CHTOP: variants seen among roughly 807,000 people sequenced by gnomAD.
CHTOP encodes chromatin target of PRMT1 protein.
A neutral mutation model predicts 33.6 loss-of-function variants in CHTOP; 18 were observed. The ratio of observed to expected loss-of-function variants is 0.54; its 90% CI spans 0.37 to 0.80. CHTOP has a LOEUF of 0.80. CHTOP is among the 30% of genes least tolerant of loss of function. CHTOP has a pLI of 0.00. For synonymous variants in CHTOP, 117 were observed against 127.7 expected (o/e 0.92, Z 0.56); for missense variants, 263 against 336.8 (o/e 0.78, Z 1.71).
rs1193240157 is a variant in CHTOP, at chr1:153,646,160, A to G, written c.*891A>G. ...CAATTATATCCTCATGTTTATCCCA[A>G]ACTAATCTTGGACTTTTCCACTCAT... On this transcript the variant is annotated 3_prime_UTR_variant, in exon 6 of 6. Transcript: ENST00000368694. 4 of 152,176 alleles carry G rather than the reference A, an allele frequency of 2.6e-5. No individual in the cohort carries two copies. The highest frequency in any genetic ancestry group is 5.9e-5 in the Non-Finnish European group (4 of 68,026). The allele number at this position is 152,176 out of a possible 1,614,324, so 9.4% of individuals were successfully genotyped here.
At chr1:153,638,274 C>G in intron 2 of CHTOP, 21 bp from the exon 3 acceptor site, 1 of 1,610,194 alleles carries the variant, frequency 6.2e-7, no homozygotes, top group Non-Finnish European at 8.5e-7. Context: ...ATTTAAACAT[C>G]CATTTTGTTC....
Position 153,643,319 on chromosome 1 carries a change from G to C in CHTOP, c.496G>C (p.Gly166Arg). 1 of 1,611,366 alleles carries C rather than the reference G, an allele frequency of 6.2e-7. No individual in the cohort carries two copies. Among genetic ancestry groups the C allele is most frequent in the South Asian group, 1.1e-5 (1 of 90,818 alleles). Reference protein sequence around the residue: ...VRGRGGPGRGGLGRGAMGRGG... With the variant: ...VRGRGGPGRGRLGRGAMGRGG... ...AGGTCGTGGAGGTCCTGGGAGAGGGGGCCTAGGGCGTGGAGCTATGGGTCG... is the reference window on the plus strand; with the variant it reads ...AGGTCGTGGAGGTCCTGGGAGAGGGCGCCTAGGGCGTGGAGCTATGGGTCG... The change falls in exon 5 of 6, where the codon GGC becomes CGC. Residue 166 changes from glycine (G) to arginine (R), a missense_variant. By Grantham distance (125) the Gly-to-Arg change is moderately radical. This residue lies in a region of CHTOP where 168 missense variants were observed against 179.9 expected (regional missense o/e 0.93). Coordinates refer to ENST00000368694, the MANE Select transcript of CHTOP (RefSeq NM_015607.4).
rs759719295 is a variant in CHTOP, at chr1:153,642,388, G to A, written c.362G>A (p.Arg121His). The change falls in exon 4 of 6, where the codon CGT (arginine) becomes CAT (histidine). Residue 121 changes from arginine (R) to histidine (H), a missense_variant. Coordinates refer to ENST00000368694, the MANE Select transcript of CHTOP (RefSeq NM_015607.4). ...CCCAGAGGAGGACTACGTGGGGGAC[G>A]TGCCACCAGAACCCTACTTAGGGGC... ...GLPRGGLRGG[R>H]ATRTLLRGGM... 11 of 1,613,928 alleles carry A rather than the reference G, an allele frequency of 6.8e-6. No homozygotes were observed. The highest frequency in any genetic ancestry group is 2.2e-5 in the East Asian group (1 of 44,892).
At chr1:153,637,870 G>C (rs141031689) in intron 2 of CHTOP, 105 of 175,048 alleles carry the variant, frequency 6.0e-4, no homozygotes, top group Admixed American at 1.4e-3. Flanking sequence ...ATTTATGAGA[G>C]TATGTTCATT....
intron 1 of CHTOP, 113 bp from the exon 2 acceptor site, chr1:153,636,459 C>A: frequency 3.0e-6 from 2 of 670,338 alleles, no homozygotes; most frequent in Non-Finnish European, 2.5e-6. Context: ...CCCTCGTGTG[C>A]TCTTTAGTCA....
At chr1:153,638,557 A>C (rs1668495307) in intron 3 of CHTOP, 109 bp downstream of exon 3, 7 of 1,259,102 alleles carry the variant, frequency 5.6e-6, no homozygotes, top group Non-Finnish European at 8.0e-6. Context: ...CAGGGCAAAA[A>C]GCTGAAACTT....
At position 153,636,653 on chromosome 1, in the gene CHTOP, G is replaced by A; in HGVS notation, c.65G>A (p.Arg22His). 5 of 1,612,582 alleles carry A rather than the reference G, an allele frequency of 3.1e-6. No individual in the cohort carries two copies. Among genetic ancestry groups the A allele is most frequent in the Non-Finnish European group, 4.2e-6 (5 of 1,178,754 alleles). Residue 22 changes from arginine to histidine, a missense_variant and splice_region_variant, in exon 2 of 6, where the codon CGC (arginine) becomes CAC (histidine). Physicochemically the swap from Arg to His is conservative, Grantham distance 29 (BLOSUM62 0). Transcript: ENST00000368694. ...ACCACCAAGATGTCTCTAAATGAGC[G>A]GTGAGGCAGCCAACAGCAACTTCAA... is the stretch of plus-strand genomic sequence containing the variant. Reference protein sequence around the residue: ...KSTTKMSLNERFTNMLKNKQP... With the variant: ...KSTTKMSLNEHFTNMLKNKQP...
chr1:153,644,134 C>G (rs1037411856), intron 5 of CHTOP: 2 of 152,148 alleles, frequency 1.3e-5, no homozygotes, highest in Non-Finnish European at 2.9e-5. Flanking sequence ...TGCTTTGGTT[C>G]TCTTAAAAGG....
chr1:153,643,238 C>G lies in CHTOP; in HGVS notation c.415C>G (p.Leu139Val). ...GGMSLRGQNL[L>V]RGGRAVAPRM... ...GCCTCCTCTCTAAGGTCAAAACCTG[C>G]TCCGAGGTGGACGAGCCGTAGCTCC... Residue 139 changes from leucine (L) to valine (V), a missense_variant, in exon 5 of 6, where the codon CTC (leucine) becomes GTC (valine). By Grantham distance (32) the Leu-to-Val change is conservative. This residue lies in a region of CHTOP where 168 missense variants were observed against 179.9 expected (regional missense o/e 0.93). Coordinates refer to ENST00000368694, the MANE Select transcript of CHTOP (RefSeq NM_015607.4). The G allele has an allele frequency of 6.2e-7, 1 of 1,614,136 alleles. No individual in the cohort carries two copies. Among genetic ancestry groups the G allele is most frequent in the Non-Finnish European group, 8.5e-7 (1 of 1,180,010 alleles).
At chr1:153,642,892 C>T in intron 4 of CHTOP, 1 of 349,380 alleles carries the variant, frequency 2.9e-6, no homozygotes. Flanking sequence ...AGTTCTTGTT[C>T]CCTAGAAGAA....
At chr1:153,640,009 A>G (rs1668562591) in intron 3 of CHTOP, among the ~76,000 whole-genome samples, 1 of 152,042 alleles carries the variant, frequency 6.6e-6, no homozygotes, top group Non-Finnish European at 1.5e-5. Context: ...CCTGACCTCA[A>G]GTGATCTGCC....
At position 153,636,473 on chromosome 1, in the gene CHTOP, G is replaced by A. The variant is rs555949614; in HGVS notation, c.-17-99G>A. The A allele has an allele frequency of 6.7e-5, 58 of 867,346 alleles. No homozygotes were observed. In the African/African-American group the frequency reaches 9.5e-4, roughly 14 times the overall value. The allele number at this position is 867,346 out of a possible 1,614,324, so 53.7% of individuals were successfully genotyped here. On this transcript the variant is annotated intron_variant, in intron 1 of 5. Transcript: ENST00000368694. Reference sequence around the variant, plus strand: ...GCCCTCGTGTGCTCTTTAGTCATCAGTGATAAGGCCTTTTTATTTATTTTT... The same window carrying A: ...GCCCTCGTGTGCTCTTTAGTCATCAATGATAAGGCCTTTTTATTTATTTTT...
Position 153,642,364 on chromosome 1 carries a change from C to G in CHTOP, c.338C>G (p.Pro113Arg). ...RGLPIIQRGLPRGGLRGGRAT... is the reference protein window; with the variant it reads ...RGLPIIQRGLRRGGLRGGRAT... ...CTACCCATAATCCAGAGAGGCTTGC[C>G]CAGAGGAGGACTACGTGGGGGACGT... is the stretch of plus-strand genomic sequence containing the variant. Residue 113 changes from proline (P) to arginine (R), a missense_variant, in exon 4 of 6, where the codon CCC becomes CGC. By Grantham distance (103) the Pro-to-Arg change is moderately radical (BLOSUM62 -2). This residue lies in a region of CHTOP where 168 missense variants were observed against 179.9 expected (regional missense o/e 0.93). Coordinates refer to ENST00000368694, the MANE Select transcript of CHTOP (RefSeq NM_015607.4). The G allele has an allele frequency of 6.2e-7, 1 of 1,614,096 alleles. No homozygotes were observed. Among genetic ancestry groups the G allele is most frequent in the Non-Finnish European group, 8.5e-7 (1 of 1,180,004 alleles).
intron 2 of CHTOP, 66 bp downstream of exon 2, chr1:153,636,719 C>A: frequency 2.8e-6 from 4 of 1,410,730 alleles, no homozygotes; most frequent in Non-Finnish European, 4.0e-6. Context: ...GCCCTGGGGT[C>A]CAATGCACAA....
intron 2 of CHTOP, chr1:153,637,376 G>A (rs1004544142): frequency 2.0e-5 from 3 of 152,202 alleles, no homozygotes; most frequent in African/African-American, 7.2e-5. Context: ...TTGTTTAGGC[G>A]CGGTGGCTCA....
intron 3 of CHTOP, among the ~76,000 whole-genome samples, chr1:153,641,369 C>T (rs1471673777): frequency 1.3e-5 from 2 of 152,168 alleles, no homozygotes; most frequent in African/African-American, 4.8e-5. Flanking sequence ...GAATTTAATT[C>T]TCTGAGATGT....
At position 153,645,179 on chromosome 1, in the gene CHTOP, A is replaced by G. The variant is rs369983593; in HGVS notation, c.657A>G (p.Gln219=). Residue 219 remains glutamine (Q), a synonymous_variant, in exon 6 of 6, where the codon CAA becomes CAG. Coordinates refer to ENST00000368694, the MANE Select transcript of CHTOP (RefSeq NM_015607.4). ...PVLTKEQLDN[Q]LDAYMSKTKG... is the part of the protein sequence containing the mutation. ...TGACCAAGGAGCAGCTGGACAACCA[A>G]TTGGATGCATATATGTCGAAAACAA... 2.4e-5 allele frequency: 39 copies of G among 1,614,112 alleles called. No homozygotes were observed. Among genetic ancestry groups the G allele is most frequent in the Middle Eastern group, 1.6e-4 (1 of 6,084 alleles).
At chr1:153,642,506 G>GT (rs1446345501) in intron 4 of CHTOP, 77 bp downstream of exon 4, 2 of 1,223,974 alleles carry the variant, frequency 1.6e-6, no homozygotes, top group African/African-American at 3.0e-5. Context: ...GGACACGTTT[G>GT]TTTAACATCT....
At position 153,636,439 on chromosome 1, in the gene CHTOP, T is replaced by C. The variant is rs1321800331; in HGVS notation, c.-17-133T>C. ...AAAAAAAAAAAAGAAATTTAAGCAC[T>C]TGAAATGTGCCCTCGTGTGCTCTTT... On this transcript the variant is annotated intron_variant, in intron 1 of 5. Coordinates refer to ENST00000368694, the MANE Select transcript of CHTOP (RefSeq NM_015607.4). The C allele has an allele frequency of 8.8e-6, 5 of 565,070 alleles. No homozygotes were observed. In the Admixed American group the frequency reaches 1.7e-4, roughly 19 times the overall value. 35.0% of individuals were successfully genotyped at this position (565,070 alleles called of 1,614,324 possible).
Sources: gnomAD v4.1 joint callset for allele counts (sites outside exome capture counted in the v4.1 genomes callset) on GRCh38, gnomAD v4.1.1 for gene constraint, gnomAD v4.1.1 regional missense constraint, MANE v1.5 for transcripts, NCBI Gene and HGNC (gene_info 2026-07-23, HGNC 2026-07-21) for gene names.